Variants in F9 observed in about 807,000 individuals in gnomAD.
F9 encodes Christmas factor.
In F9, 2 loss-of-function variants were observed where a neutral mutation model predicts 34.1. The observed-to-expected ratio is 0.06, with a 90% CI of 0.02 to 0.18. The LOEUF (loss-of-function observed/expected upper bound fraction) is 0.18. F9 is among the 10% of genes least tolerant of loss of function. The pLI is 1.00. For missense variants in F9, 216 were observed against 345.1 expected, an observed-to-expected ratio of 0.63 and a Z score of 2.96; for synonymous variants, 137 against 118.8, an observed-to-expected ratio of 1.15 and a Z score of -1.00.
At chrX:139,548,299 T>TATATTTGACCCA (rs2148361084) in intron 4 of F9, 64 bp from the exon 5 acceptor site, 1 of 1,131,642 alleles carries the variant, frequency 8.8e-7, no homozygotes, top group Admixed American at 2.2e-5. Context: ...GAGTCAGTAG[T>TATATTTGACCCA]TCCATGTACT....
At chrX:139,535,356 CA>C (rs4149675) in intron 1 of F9, among the ~76,000 whole-genome samples, 1,555 of 94,615 alleles carry the variant, frequency 0.016, 25 homozygotes, top group African/African-American at 0.058. Flanking sequence ...AAGACTCTGT[CA>C]AAAAAAAAAG....
chrX:139,535,313 C>T (rs1177816320), intron 1 of F9, among the ~76,000 whole-genome samples: 1 of 109,415 alleles, frequency 9.1e-6, no homozygotes, highest in African/African-American at 3.3e-5. Context: ...GAGCTGAGAT[C>T]GCACCACTGC....
chrX:139,536,722 G>T (rs189058759), intron 1 of F9, among the ~76,000 whole-genome samples: 356 of 111,841 alleles, frequency 3.2e-3, no homozygotes, highest in African/African-American at 0.011. Context: ...GAAGTTAACC[G>T]CTCATTTGAG....
chrX:139,536,913 T>TATTTGG (rs1927488074), intron 1 of F9, 97 bp from the exon 2 acceptor site: 1 of 930,343 alleles, frequency 1.1e-6, no homozygotes, highest in African/African-American at 2.0e-5. Context: ...GCTTTCAGAT[T>TATTTGG]ATTTGGATTA....
chrX:139,559,543 G>A (rs1020319237), intron 6 of F9, among the ~76,000 whole-genome samples: 4 of 111,255 alleles, frequency 3.6e-5, no homozygotes, highest in African/African-American at 1.3e-4. Flanking sequence ...AAAAAAAAGA[G>A]AGGGAGAGCC....
chrX:139,555,884 T>G (rs961314272), intron 6 of F9, among the ~76,000 whole-genome samples: 5 of 111,739 alleles, frequency 4.5e-5, no homozygotes, highest in African/African-American at 1.6e-4. Context: ...CCTGTATTAC[T>G]AGATAGCTTT....
Position 139,541,225 on chromosome X carries a change from G to T in F9, c.391+36G>T, listed in dbSNP as rs368156653. 2.8e-5 allele frequency: 27 copies of T among 978,869 alleles called. No homozygotes were observed. The African/African-American group carries it at 4.0e-4, about 15-fold the overall frequency. 80.7% of individuals were successfully genotyped at this position (978,869 alleles called of 1,213,427 possible). A position where few individuals can be genotyped will look rare whatever the true frequency, so the allele number is the denominator to read the frequency against. On this transcript the variant is annotated intron_variant, in intron 4 of 7. Transcript: ENST00000218099. ...ATTTTTTGAATACTCATGGTTCAAAGTTTCCCTCTGAAACAAGTTGAAACT... is the reference window on the plus strand; with the variant it reads ...ATTTTTTGAATACTCATGGTTCAAATTTTCCCTCTGAAACAAGTTGAAACT...
At chrX:139,531,663 T>C (rs1927347739) in intron 1 of F9, among the ~76,000 whole-genome samples, 1 of 112,197 alleles carries the variant, frequency 8.9e-6, no homozygotes, top group Non-Finnish European at 1.9e-5. Context: ...GAAGAAATTA[T>C]CCCATTTGGA....
intron 4 of F9, 88 bp downstream of exon 4, chrX:139,541,277 A>G: frequency 1.7e-6 from 1 of 589,740 alleles, no homozygotes; most frequent in Non-Finnish European, 2.7e-6. Flanking sequence ...GTGTATCATA[A>G]TTTTTCTTAA....
intron 6 of F9, among the ~76,000 whole-genome samples, chrX:139,552,646 C>T (rs1927872035): frequency 8.9e-6 from 1 of 112,614 alleles, no homozygotes; most frequent in Non-Finnish European, 1.9e-5. Flanking sequence ...ATAACAACCA[C>T]ATGTGGCTAG....
rs1928134057 is a variant in F9, at chrX:139,562,051, G to A, written c.1366G>A (p.Glu456Lys). Residue 456 changes from glutamate to lysine, a missense_variant, in exon 8 of 8, where the codon GAA (glutamate) becomes AAA (lysine). Transcript: ENST00000218099. ...KVSRYVNWIK[E>K]KTKLT is the part of the protein sequence containing the mutation. ...ATCCCGGTATGTCAACTGGATTAAG[G>A]AAAAAACAAAGCTCACTTAATGAAA... 1 of 1,208,946 alleles carries A rather than the reference G, an allele frequency of 8.3e-7. No individual in the cohort carries two copies. Among genetic ancestry groups the A allele is most frequent in the Non-Finnish European group, 1.1e-6 (1 of 894,595 alleles).
intron 1 of F9, among the ~76,000 whole-genome samples, chrX:139,536,136 T>C (rs1420583138): frequency 1.9e-5 from 2 of 106,644 alleles, no homozygotes; most frequent in Non-Finnish European, 3.9e-5. Flanking sequence ...ATATATATGA[T>C]ATGATATATA....
rs144516466 is a variant in F9, at chrX:139,560,951, G to A, written c.838+96G>A. The A allele has an allele frequency of 1.4e-3, 1,030 of 717,432 alleles. 11 individuals are homozygous for A. The African/African-American group carries it at 0.019, about 13-fold the overall frequency. The allele number at this position is 717,432 out of a possible 1,213,427, so 59.1% of individuals were successfully genotyped here. A position where few individuals can be genotyped will look rare whatever the true frequency, so the allele number is the denominator to read the frequency against. The stretch of plus-strand genomic sequence containing the variant: ...ACTAAGGTCTAATAAAATTGTTGTT[G>A]AATAAATTGGGCTAAAGGCAGAAGG... On this transcript the variant is annotated intron_variant, in intron 7 of 7. Transcript: ENST00000218099.
In F9 at chrX:139,558,889, G is replaced by A. The variant is rs937712309; in HGVS notation, c.724-1852G>A. ...CTGCATTTTATAAGGATCCCCAGAT[G>A]ATTCTACTGCAATTGGTCCACAGAC... On this transcript the variant is annotated intron_variant, in intron 6 of 7. Transcript: ENST00000218099. Among the ~76,000 whole-genome samples the A allele has an allele frequency of 3.6e-5, 4 of 111,865 alleles. No individual in the cohort carries two copies. In the South Asian group the frequency reaches 1.5e-3, roughly 43 times the overall value.
At chrX:139,535,040 G>A (rs1453407576) in intron 1 of F9, among the ~76,000 whole-genome samples, 1 of 111,513 alleles carries the variant, frequency 9.0e-6, no homozygotes, top group East Asian at 2.8e-4. Context: ...AGGAAATTGA[G>A]AAATATGGCC....
intron 1 of F9, among the ~76,000 whole-genome samples, chrX:139,535,086 C>T (rs924316776): frequency 9.0e-6 from 1 of 111,383 alleles, no homozygotes; most frequent in South Asian, 3.7e-4. Flanking sequence ...CATGGTGGCT[C>T]ACACCTATAA....
At chrX:139,541,915 C>A (rs1207916996) in intron 4 of F9, among the ~76,000 whole-genome samples, 1 of 111,883 alleles carries the variant, frequency 8.9e-6, no homozygotes, top group Non-Finnish European at 1.9e-5. Flanking sequence ...CCCTTACCTA[C>A]TTGTTTATTA....
intron 4 of F9, chrX:139,544,885 T>A (rs1927680177): frequency 8.9e-6 from 1 of 111,829 alleles, no homozygotes; most frequent in African/African-American, 3.2e-5. Flanking sequence ...CTGTCTCTCA[T>A]TGGTTAGAAG....
intron 6 of F9, among the ~76,000 whole-genome samples, chrX:139,557,275 C>A (rs1048945527): frequency 1.8e-5 from 2 of 111,985 alleles, no homozygotes; most frequent in Non-Finnish European, 3.8e-5. Flanking sequence ...TCTCATACCC[C>A]AAATAGCTAA....
Sources: allele counts gnomAD v4.1 joint callset (sites outside exome capture counted in the v4.1 genomes callset), GRCh38; gene constraint gnomAD v4.1.1; transcripts MANE v1.5; gene names NCBI Gene and HGNC (gene_info 2026-07-23, HGNC 2026-07-21).